The following BTBD9 variants were observed in gnomAD, a reference collection of about 807,000 sequenced individuals.
BTBD9 encodes BTB domain containing 9, also known as BTB/POZ domain-containing protein 9.
Under a neutral mutation model 64.3 loss-of-function variants are expected in BTBD9, and 49 were observed. The observed-to-expected ratio is 0.76, with a 90% confidence interval of 0.61 to 0.97. BTBD9 has a LOEUF of 0.97. Among genes scored for constraint, BTBD9 ranks in the 50% least tolerant of loss-of-function variants. The pLI, the probability that BTBD9 is intolerant of heterozygous loss-of-function variation, is 0.00. For synonymous variants in BTBD9, 260 were observed against 274.7 expected (o/e 0.95, Z 0.53); for missense variants, 598 against 762.1 (o/e 0.78, Z 2.53).
At chr6:38,474,835 T>A (rs539517719) in intron 6 of BTBD9, among the ~76,000 whole-genome samples, 27 of 152,304 alleles carry the variant, frequency 1.8e-4, no homozygotes, top group African/African-American at 5.8e-4. Flanking sequence ...ATGCCTATAA[T>A]TTGAAGTTCA....
intron 9 of BTBD9, among the ~76,000 whole-genome samples, chr6:38,214,774 G>C (rs1762957366): frequency 6.6e-6 from 1 of 152,160 alleles, no homozygotes; most frequent in Non-Finnish European, 1.5e-5. Flanking sequence ...TCAGGGCTAA[G>C]ATATCAAGCA....
intron 6 of BTBD9, among the ~76,000 whole-genome samples, chr6:38,536,737 C>T (rs1305079671): frequency 2.0e-5 from 3 of 152,110 alleles, no homozygotes; most frequent in Non-Finnish European, 4.4e-5. Flanking sequence ...TTCATGTGTG[C>T]TCTCATATTT....
chr6:38,592,801 C>G lies in BTBD9; in HGVS notation c.589G>C (p.Ala197Pro). 6.2e-7 allele frequency: 1 copy of G among 1,614,180 alleles called. No homozygotes were observed. Among genetic ancestry groups the G allele is most frequent in the South Asian group, 1.1e-5 (1 of 91,080 alleles). Reference sequence around the variant, plus strand: ...GCTAGGAAAATATCTTTTTCGGGAGCTGCAAATGAGTCTCTTAACACGATG... The same window carrying G: ...GCTAGGAAAATATCTTTTTCGGGAGGTGCAAATGAGTCTCTTAACACGATG... ...LNIVLRDSFA[A>P]PEKDIFLALL... The change falls in exon 4 of 11, where the codon GCT becomes CCT. Residue 197 changes from alanine to proline, a missense_variant. Physicochemically the swap from Ala to Pro is conservative, Grantham distance 27. Transcript: ENST00000481247.
chr6:38,442,456 C>T (rs957513311), intron 6 of BTBD9, among the ~76,000 whole-genome samples: 5 of 151,538 alleles, frequency 3.3e-5, no homozygotes, highest in Non-Finnish European at 7.4e-5. Context: ...GGCAAGAGAG[C>T]GAGACTTCAT....
intron 6 of BTBD9, chr6:38,571,626 A>C (rs1444123818): frequency 2.6e-5 from 4 of 152,208 alleles, no homozygotes; most frequent in Non-Finnish European, 5.9e-5. Flanking sequence ...AATAACATTC[A>C]ATGTACACCA....
At chr6:38,509,541 G>A (rs1772687428) in intron 6 of BTBD9, among the ~76,000 whole-genome samples, 1 of 152,116 alleles carries the variant, frequency 6.6e-6, no homozygotes. Flanking sequence ...AAAACGCAGT[G>A]AGAACTCCTG....
At chr6:38,459,662 C>T (rs1051860547) in intron 6 of BTBD9, among the ~76,000 whole-genome samples, 1 of 152,134 alleles carries the variant, frequency 6.6e-6, no homozygotes, top group Admixed American at 6.5e-5. Flanking sequence ...TTTTGTTATG[C>T]TAAGTTACTG....
chr6:38,466,986 C>T (rs537242460), intron 6 of BTBD9, among the ~76,000 whole-genome samples: 2 of 152,154 alleles, frequency 1.3e-5, no homozygotes, highest in African/African-American at 2.4e-5. Context: ...TTAACAGCAA[C>T]CAGTCTATGC....
In BTBD9 at chr6:38,494,237, C is replaced by CT. The variant is rs1381307814; in HGVS notation, c.1154+83362dup. 3.3e-5 allele frequency among the ~76,000 whole-genome samples: 5 copies of CT among 152,164 alleles called. No individual in the cohort carries two copies. In the South Asian group the frequency reaches 1.0e-3, roughly 31 times the overall value. On this transcript the variant is annotated intron_variant, in intron 6 of 10. Coordinates refer to ENST00000481247, the MANE Select transcript of BTBD9 (RefSeq NM_001099272.2). ...AAGCTGGTAACATTAGCTCCTTTTT[C>CT]TTTTCTCTTTTAATATAATTGTTTA...
At chr6:38,192,706 G>T in intron 9 of BTBD9, 109 bp from the exon 10 acceptor site, 3 of 924,892 alleles carry the variant, frequency 3.2e-6, no homozygotes, top group Non-Finnish European at 5.2e-6. Flanking sequence ...TGTCCTCGGA[G>T]ACCTGCACTA....
rs11375307 is a variant in BTBD9, at chr6:38,548,596, AT to A, written c.1154+29003del. ...AGAGCAATTTCAAAGCAAAATATCT[AT>A]TTTTTTTCCCAACTCACGCATTAAT... On this transcript the variant is annotated intron_variant, in intron 6 of 10. Coordinates refer to ENST00000481247, the MANE Select transcript of BTBD9 (RefSeq NM_001099272.2). Among the ~76,000 whole-genome samples, 1,288 of 151,924 alleles carry A rather than the reference AT, an allele frequency of 8.5e-3. 14 individuals carry two copies. The highest frequency in any genetic ancestry group is 0.026 in the African/African-American group (1,085 of 41,422).
chr6:38,534,546 A>G (rs926761247), intron 6 of BTBD9, among the ~76,000 whole-genome samples: 1 of 151,996 alleles, frequency 6.6e-6, no homozygotes, highest in African/African-American at 2.4e-5. Context: ...ATTACCCAAT[A>G]CCAAAACCAG....
Position 38,302,485 on chromosome 6 carries a change from GTATATATATATATATATATATA to G in BTBD9, c.1265-14046_1265-14025del, listed in dbSNP as rs59324806. ...CTGAATAATATTCCATTGTGTGTATGTATATATATATATATATATATATATATATATATATATATCACATTCT... is the reference window on the plus strand; with the variant it reads ...CTGAATAATATTCCATTGTGTGTATGTATATATATATATATATCACATTCT... On this transcript the variant is annotated intron_variant, in intron 7 of 10. Coordinates refer to ENST00000481247, the MANE Select transcript of BTBD9 (RefSeq NM_001099272.2). Among the ~76,000 whole-genome samples, 19 of 106,894 alleles carry G rather than the reference GTATATATATATATATATATATA, an allele frequency of 1.8e-4. 2 individuals carry two copies. Among genetic ancestry groups the G allele is most frequent in the East Asian group, 9.3e-4 (3 of 3,212 alleles). The allele number at this position is 106,894 out of a possible 152,430, so 70.1% of individuals were successfully genotyped here.
At chr6:38,299,719 G>C (rs1387422882) in intron 7 of BTBD9, among the ~76,000 whole-genome samples, 2 of 151,992 alleles carry the variant, frequency 1.3e-5, no homozygotes, top group Non-Finnish European at 2.9e-5. Flanking sequence ...TTTTTTTCTT[G>C]TAAATTTGTT....
intron 6 of BTBD9, among the ~76,000 whole-genome samples, chr6:38,462,313 G>A (rs947688476): frequency 6.6e-6 from 1 of 152,090 alleles, no homozygotes; most frequent in Non-Finnish European, 1.5e-5. Context: ...CATTTAGATC[G>A]ATAATCCAGT....
At chr6:38,459,381 C>T (rs1286315321) in intron 6 of BTBD9, among the ~76,000 whole-genome samples, 2 of 152,206 alleles carry the variant, frequency 1.3e-5, no homozygotes, top group African/African-American at 4.8e-5. Flanking sequence ...CACAATTCTC[C>T]AGCTAGTTTG....
chr6:38,476,270 G>T (rs1582493017), intron 6 of BTBD9, among the ~76,000 whole-genome samples: 1 of 152,302 alleles, frequency 6.6e-6, no homozygotes, highest in Non-Finnish European at 1.5e-5. Context: ...GCATAATTCA[G>T]TGTACTTGTA....
chr6:38,322,615 C>T (rs1019882156), intron 7 of BTBD9, among the ~76,000 whole-genome samples: 5 of 152,074 alleles, frequency 3.3e-5, no homozygotes, highest in Admixed American at 6.5e-5. Context: ...TAGGTCTTAC[C>T]CACCCAGAGG....
At chr6:38,534,844 A>C (rs9470893) in intron 6 of BTBD9, among the ~76,000 whole-genome samples, 1 of 152,098 alleles carries the variant, frequency 6.6e-6, no homozygotes, top group Non-Finnish European at 1.5e-5. Context: ...AACCCTCAAG[A>C]AACTGGGTAC....
Sources: gnomAD v4.1 joint callset for allele counts (sites outside exome capture counted in the v4.1 genomes callset) on GRCh38, gnomAD v4.1.1 for gene constraint, MANE v1.5 for transcripts, NCBI Gene and HGNC (gene_info 2026-07-23, HGNC 2026-07-21) for gene names.